GDF5: variants seen among roughly 807,000 people sequenced by gnomAD.
GDF5 encodes growth differentiation factor 5, also known as growth/differentiation factor 5.
GDF5 carries 17 observed loss-of-function variants against 34.6 expected under a neutral mutation model. The observed-to-expected ratio is 0.49, with a 90% CI of 0.34 to 0.74. The LOEUF (loss-of-function observed/expected upper bound fraction) is 0.74, where lower values mean the gene tolerates loss of function less well. GDF5 is among the 30% of genes least tolerant of loss of function. The probability of loss-of-function intolerance (pLI) is 0.01; values close to 1 mark genes in which losing one functional copy is unlikely to be tolerated. For missense variants in GDF5, 616 were observed against 661.2 expected (o/e 0.93, Z 0.75); for synonymous variants, 332 against 290.7 (o/e 1.14, Z -1.44).
chr20:35,436,216 G>A (rs969945671), intron 1 of GDF5, among the ~76,000 whole-genome samples: 1 of 152,108 alleles, frequency 6.6e-6, no homozygotes, highest in Non-Finnish European at 1.5e-5. Flanking sequence ...AGTGCTGGGG[G>A]GCACACGGAC....
At position 35,433,889 on chromosome 20, in the gene GDF5, A is replaced by C. The variant is rs772832571; in HGVS notation, c.*20T>G. 5 of 1,608,370 alleles carry C rather than the reference A, an allele frequency of 3.1e-6. No individual in the cohort carries two copies. In the Admixed American group the frequency reaches 6.7e-5, roughly 21 times the overall value. ...GGGCTCTTGGGATGTGCCACCCAGG[A>C]AGACAGAGGGCCAGTGCTGCTACCT... is the stretch of plus-strand genomic sequence containing the variant. On this transcript the variant is annotated 3_prime_UTR_variant, in exon 2 of 2. Coordinates refer to ENST00000374369, the MANE Select transcript of GDF5 (RefSeq NM_000557.5).
intron 1 of GDF5, among the ~76,000 whole-genome samples, chr20:35,443,693 G>A (rs888359450): frequency 2.0e-5 from 3 of 151,920 alleles, no homozygotes; most frequent in African/African-American, 7.3e-5. Flanking sequence ...TGTATTTTTA[G>A]TAGAGACAGG....
chr20:35,438,422 T>C (rs2146584249), upstream of GDF5, among the ~76,000 whole-genome samples: 1 of 150,244 alleles, frequency 6.7e-6, no homozygotes, highest in Non-Finnish European at 1.5e-5. Context: ...AGAAAAATCT[T>C]TTACAAACCT....
rs991348271 is a variant in GDF5, at chr20:35,444,990, T to A, written c.-397-3603A>T. On this transcript the variant is annotated intron_variant, in intron 1 of 3. Coordinates refer to the GDF5 transcript ENST00000374372. ...TTCAGGTGATCCACCCGCCTCAGCC[T>A]CCCAAAGCGCTGGGATTACAGGTGT... Among the ~76,000 whole-genome samples the A allele has an allele frequency of 7.2e-5, 11 of 152,278 alleles. No individual in the cohort carries two copies. The East Asian group carries it at 2.1e-3, about 29-fold the overall frequency.
chr20:35,437,433 G>C lies in GDF5; in HGVS notation c.496C>G (p.Pro166Ala), dbSNP rs1485657392. The C allele has an allele frequency of 6.2e-7, 1 of 1,613,752 alleles. No homozygotes were observed. The highest frequency in any genetic ancestry group is 8.5e-7 in the Non-Finnish European group (1 of 1,179,772). The change falls in exon 1 of 2, where the codon CCC (proline) becomes GCC (alanine). Residue 166 changes from proline to alanine, a missense_variant. Coordinates refer to ENST00000374369, the MANE Select transcript of GDF5 (RefSeq NM_000557.5). The part of the protein sequence containing the change: ...REPKEPFRPP[P>A]ITPHEYMLSL... ...AGCATGTACTCGTGGGGTGTGATGG[G>C]GGGTGGGCGAAACGGCTCCTTGGGC...
chr20:35,452,076 G>C (rs1316563111), intron 1 of GDF5, among the ~76,000 whole-genome samples: 1 of 152,140 alleles, frequency 6.6e-6, no homozygotes, highest in Non-Finnish European at 1.5e-5. Flanking sequence ...GCATGCAAGG[G>C]ATCTAGGTTA....
intron 1 of GDF5, among the ~76,000 whole-genome samples, chr20:35,449,476 T>C (rs1389230343): frequency 6.6e-6 from 1 of 152,140 alleles, no homozygotes; most frequent in Non-Finnish European, 1.5e-5. Context: ...AAACAAGTCA[T>C]AGTGGCCTGA....
intron 1 of GDF5, among the ~76,000 whole-genome samples, chr20:35,448,246 A>C (rs2062519753): frequency 6.6e-6 from 1 of 151,918 alleles, no homozygotes; most frequent in African/African-American, 2.4e-5. Flanking sequence ...CTTTGTGTAT[A>C]AGAACCCTAG....
chr20:35,440,226 G>A (rs530147331), upstream of GDF5, among the ~76,000 whole-genome samples: 102 of 151,150 alleles, frequency 6.7e-4, no homozygotes, highest in African/African-American at 2.4e-3. Context: ...AAAATTAGCC[G>A]GGTGTGGAGG....
At position 35,437,392 on chromosome 20, in the gene GDF5, C is replaced by A. The variant is rs755019707; in HGVS notation, c.537G>T (p.Thr179=). ...PHEYMLSLYR[T]LSDADRKGGN... ...CTCCCTTTCTGTCAGCATCGGACAG[C>A]GTCCTGTACAGCGAGAGCATGTACT... Residue 179 remains threonine (T), a synonymous_variant, in exon 1 of 2, where the codon ACG becomes ACT. Transcript: ENST00000374369. 1.9e-6 allele frequency: 3 copies of A among 1,612,380 alleles called. No individual in the cohort carries two copies. Among genetic ancestry groups the A allele is most frequent in the Non-Finnish European group, 2.5e-6 (3 of 1,178,562 alleles).
At chr20:35,447,982 A>G (rs2062519043) in intron 1 of GDF5, among the ~76,000 whole-genome samples, 1 of 152,158 alleles carries the variant, frequency 6.6e-6, no homozygotes, top group African/African-American at 2.4e-5. Context: ...ACACCTTTTT[A>G]TCGATGCATG....
intron 1 of GDF5, among the ~76,000 whole-genome samples, chr20:35,448,397 CAA>C (rs143351308): frequency 0.07 from 7,742 of 110,340 alleles, 359 homozygotes; most frequent in African/African-American, 0.14. Flanking sequence ...TTGTTTTTTT[CAA>C]AAAAAAAAAA....
chr20:35,442,448 T>C (rs2062500906), upstream of GDF5, among the ~76,000 whole-genome samples: 1 of 151,786 alleles, frequency 6.6e-6, no homozygotes, highest in Admixed American at 6.6e-5. Flanking sequence ...ACAACCACAA[T>C]GTCTCTGTAT....
In GDF5 at chr20:35,434,668, C is replaced by G. The variant is rs1419771616; in HGVS notation, c.747G>C (p.Thr249=). The G allele has an allele frequency of 4.3e-6, 7 of 1,612,204 alleles. No individual in the cohort carries two copies. Among genetic ancestry groups the G allele is most frequent in the East Asian group, 2.2e-5 (1 of 44,852 alleles). The change falls in exon 2 of 2, where the codon ACG becomes ACC. Residue 249 remains threonine, a synonymous_variant. Coordinates refer to ENST00000374369, the MANE Select transcript of GDF5 (RefSeq NM_000557.5). ...CGCCTCCGGGGGCCGCTGGCTTGGC[C>G]GTGTCCGAGGGCTTCTTCCGCAAGA... ...LRILRKKPSD[T]AKPAAPGGGR... is the part of the protein sequence containing the mutation.
intron 1 of GDF5, among the ~76,000 whole-genome samples, chr20:35,435,946 A>G (rs1044357189): frequency 2.0e-5 from 3 of 152,062 alleles, no homozygotes; most frequent in Admixed American, 6.6e-5. Flanking sequence ...GCACATGCAT[A>G]TGTGTGTGAT....
intron 1 of GDF5, 31 bp from the exon 2 acceptor site, chr20:35,434,814 C>A: frequency 6.2e-7 from 1 of 1,610,210 alleles, no homozygotes; most frequent in Non-Finnish European, 8.5e-7. Flanking sequence ...TCATTCCCTG[C>A]AACCTCACCA....
intron 1 of GDF5, chr20:35,454,216 G>A: frequency 2.8e-6 from 1 of 353,988 alleles, no homozygotes; most frequent in Middle Eastern, 1.0e-3. Context: ...CCCTTTGGGA[G>A]GCCGAGGCGG....
At chr20:35,446,637 T>G (rs1446151149) in intron 1 of GDF5, among the ~76,000 whole-genome samples, 1 of 151,998 alleles carries the variant, frequency 6.6e-6, no homozygotes, top group Non-Finnish European at 1.5e-5. Flanking sequence ...GTTTTGTTTT[T>G]TTAAAAAAGA....
intron 1 of GDF5, among the ~76,000 whole-genome samples, chr20:35,453,310 G>A (rs1384451429): frequency 6.6e-6 from 1 of 152,164 alleles, no homozygotes; most frequent in Non-Finnish European, 1.5e-5. Flanking sequence ...AGATAGCATG[G>A]TCAGGGAAGA....
Sources: gnomAD v4.1 joint callset for allele counts (sites outside exome capture counted in the v4.1 genomes callset) on GRCh38, gnomAD v4.1.1 for gene constraint, MANE v1.5 for transcripts, NCBI Gene and HGNC (gene_info 2026-07-23, HGNC 2026-07-21) for gene names.